Variants in PHETA1 observed in about 807,000 individuals in gnomAD.
PHETA1 encodes sesquipedalian-1.
For synonymous variants in PHETA1, 155 were observed against 168.9 expected (o/e 0.92, Z 0.64); for missense variants, 348 against 373.5 (o/e 0.93, Z 0.56).
rs1413201072 is a variant in PHETA1 at position 111,367,886 on chromosome 12, T to C, written c.-182+1026A>G. Among the ~76,000 whole-genome samples, 2 of 152,224 alleles carry C rather than the reference T, an allele frequency of 1.3e-5. No individual in the cohort carries two copies. The highest frequency in any genetic ancestry group is 4.8e-5 in the African/African-American group (2 of 41,452). ...AACAGCCCATGGCCAGACAGGAAGC[T>C]GGAGGGAGCCTGGCCCAGCTCTGCT... On this transcript the variant is annotated intron_variant, in intron 1 of 2. Transcript: ENST00000683047. The surrounding 1 kb of genome is among the most constrained non-coding windows in gnomAD (Gnocchi z 4.0).
At position 111,363,347 on chromosome 12, in the gene PHETA1, C is replaced by T; in HGVS notation, c.81G>A (p.Lys27=). 1.9e-6 allele frequency: 3 copies of T among 1,613,182 alleles called. No individual in the cohort carries two copies. The highest frequency in any genetic ancestry group is 1.7e-6 in the Non-Finnish European group (2 of 1,179,972). ...PVDNAGFLYK[K]GGRHAAYHRR... ...GGTGGTAGGCCGCGTGCCGCCCACC[C>T]TTCTTGTACAGGAAGCCTGCATTGT... is the stretch of plus-strand genomic sequence containing the variant. The change falls in exon 3 of 3, where the codon AAG becomes AAA. Residue 27 remains lysine (K), a synonymous_variant. Coordinates refer to ENST00000683047, the MANE Select transcript of PHETA1 (RefSeq NM_144671.6). The surrounding 1 kb of genome is among the most constrained non-coding windows in gnomAD (Gnocchi z 7.4).
Position 111,362,595 on chromosome 12 carries a change from C to G in PHETA1, c.*83G>C. The stretch of plus-strand genomic sequence containing the variant: ...CCTTGCCCATGATTTCCCTCAGGAT[C>G]TGCTCCCCCAGTCTCTCCAGGACCC... On this transcript the variant is annotated 3_prime_UTR_variant, in exon 3 of 3. Coordinates refer to ENST00000683047, the MANE Select transcript of PHETA1 (RefSeq NM_144671.6). 6.5e-7 allele frequency: 1 copy of G among 1,542,750 alleles called. No homozygotes were observed. The highest frequency in any genetic ancestry group is 8.7e-7 in the Non-Finnish European group (1 of 1,146,632).
chr12:111,366,015 C>T (rs1044154994), intron 2 of PHETA1, 98 bp downstream of exon 2: 10 of 169,028 alleles, frequency 5.9e-5, no homozygotes, highest in African/African-American at 2.4e-4. Flanking sequence ...CGCAGGGATT[C>T]ACGCATTCCC....
intron 1 of PHETA1, among the ~76,000 whole-genome samples, chr12:111,366,547 C>T (rs1869044332): frequency 6.6e-6 from 1 of 152,162 alleles, no homozygotes; most frequent in Admixed American, 6.5e-5. Flanking sequence ...TCCACCTCCC[C>T]ATTCTAGGCC....
chr12:111,365,605 C>T (rs1312391762), intron 2 of PHETA1: 1 of 450,296 alleles, frequency 2.2e-6, no homozygotes, highest in East Asian at 7.0e-5. Flanking sequence ...GAGATCATGT[C>T]CTTTGCGGGG....
chr12:111,362,689 C>G lies in PHETA1; in HGVS notation c.739G>C (p.Val247Leu). Residue 247 changes from valine (V) to leucine (L), a missense_variant, in exon 3 of 3, where the codon GTC (valine) becomes CTC (leucine). Coordinates refer to ENST00000683047, the MANE Select transcript of PHETA1 (RefSeq NM_144671.6). ...GCGCCCTGGTGGCCTCAGGGCTGGA[C>G]CCGGCTGCTGAGCCACTGGCCACGC... ...ALRGQWLSSR[V>L]QP is the part of the protein sequence containing the mutation. The G allele has an allele frequency of 1.3e-6, 2 of 1,549,148 alleles. No individual in the cohort carries two copies. The highest frequency in any genetic ancestry group is 1.7e-6 in the Non-Finnish European group (2 of 1,146,844).
chr12:111,362,037 G>A lies in PHETA1; in HGVS notation c.*641C>T, dbSNP rs1868637091. The A allele has an allele frequency of 2.2e-6, 1 of 455,440 alleles. No homozygotes were observed. Among genetic ancestry groups the A allele is most frequent in the Non-Finnish European group, 4.4e-6 (1 of 226,750 alleles). The allele number at this position is 455,440 out of a possible 1,614,324, so 28.2% of individuals were successfully genotyped here. On this transcript the variant is annotated 3_prime_UTR_variant, in exon 3 of 3. Coordinates refer to ENST00000683047, the MANE Select transcript of PHETA1 (RefSeq NM_144671.6). Reference sequence around the variant, plus strand: ...TTTTGGCAGAGTCCTGCCTCAGCCAGCCCAGGCCAGGAGCCCCGAGGACCA... The same window carrying A: ...TTTTGGCAGAGTCCTGCCTCAGCCAACCCAGGCCAGGAGCCCCGAGGACCA...
At position 111,367,020 on chromosome 12, in the gene PHETA1, CAAA is replaced by C. The variant is rs925270790; in HGVS notation, c.-181-766_-181-764del. The stretch of plus-strand genomic sequence containing the variant: ...GGGGTGACATAGTGAGATTCTGTCT[CAAA>C]AAAAAAAAAAAAAAAATCCAAGCCT... On this transcript the variant is annotated intron_variant, in intron 1 of 2. Transcript: ENST00000683047. The surrounding 1 kb of genome is among the most constrained non-coding windows in gnomAD (Gnocchi z 4.0). Among the ~76,000 whole-genome samples, 6 of 108,694 alleles carry C rather than the reference CAAA, an allele frequency of 5.5e-5. No individual in the cohort carries two copies. Among genetic ancestry groups the C allele is most frequent in the Admixed American group, 9.2e-5 (1 of 10,888 alleles). The allele number at this position is 108,694 out of a possible 152,430, so 71.3% of individuals were successfully genotyped here.
chr12:111,362,316 GTGA>G lies in PHETA1; in HGVS notation c.*359_*361del. On this transcript the variant is annotated 3_prime_UTR_variant, in exon 3 of 3. Coordinates refer to ENST00000683047, the MANE Select transcript of PHETA1 (RefSeq NM_144671.6). ...AGGCCACAGATCGCCCTCAGTCCCAGTGACCCTCTGAGCTGCAGGCCCGGCAAT... is the reference window on the plus strand; with the variant it reads ...AGGCCACAGATCGCCCTCAGTCCCAGCCCTCTGAGCTGCAGGCCCGGCAAT... 2 of 479,122 alleles carry G rather than the reference GTGA, an allele frequency of 4.2e-6. No homozygotes were observed. Among genetic ancestry groups the G allele is most frequent in the Non-Finnish European group, 7.7e-6 (2 of 260,658 alleles). The allele number at this position is 479,122 out of a possible 1,614,324, so 29.7% of individuals were successfully genotyped here. A position where few individuals can be genotyped will look rare whatever the true frequency, so the allele number is the denominator to read the frequency against.
chr12:111,362,939 A>C lies in PHETA1; in HGVS notation c.489T>G (p.Pro163=), dbSNP rs909130861. 3 of 1,467,118 alleles carry C rather than the reference A, an allele frequency of 2.0e-6. No individual in the cohort carries two copies. Among genetic ancestry groups the C allele is most frequent in the Non-Finnish European group, 2.7e-6 (3 of 1,114,534 alleles). The allele number at this position is 1,467,118 out of a possible 1,614,324, so 90.9% of individuals were successfully genotyped here. Residue 163 remains proline (P), a synonymous_variant, in exon 3 of 3, where the codon CCT becomes CCG. Transcript: ENST00000683047. The part of the protein sequence containing the change: ...PSALAPVPSL[P]SAPAPVPALP... ...GGGCTGGGACCGGGGCTGGGGCAGA[A>C]GGCAGGGATGGGACTGGGGCCAGGG...
chr12:111,364,512 G>T (rs1868903991), intron 2 of PHETA1, among the ~76,000 whole-genome samples: 1 of 152,142 alleles, frequency 6.6e-6, no homozygotes, highest in African/African-American at 2.4e-5. Context: ...GCTCACGCCT[G>T]TAATCCCAGC....
At position 111,367,411 on chromosome 12, in the gene PHETA1, G is replaced by A. The variant is rs1389961541; in HGVS notation, c.-181-1154C>T. ...CTCACACAGCTGTTTGATTCATTCT[G>A]CAGTATCTTCTGAAACCTTTCAACA... On this transcript the variant is annotated intron_variant, in intron 1 of 2. Transcript: ENST00000683047. This position sits in a 1 kb window ranked among gnomAD's most constrained non-coding sequence, Gnocchi z 4.0. 2.6e-5 allele frequency among the ~76,000 whole-genome samples: 4 copies of A among 152,150 alleles called. No individual in the cohort carries two copies. Among genetic ancestry groups the A allele is most frequent in the Non-Finnish European group, 4.4e-5 (3 of 68,036 alleles).
At position 111,367,415 on chromosome 12, in the gene PHETA1, T is replaced by C. The variant is rs1869099191; in HGVS notation, c.-181-1158A>G. 1.3e-5 allele frequency among the ~76,000 whole-genome samples: 2 copies of C among 152,186 alleles called. No homozygotes were observed. Among genetic ancestry groups the C allele is most frequent in the African/African-American group, 4.8e-5 (2 of 41,444 alleles). On this transcript the variant is annotated intron_variant, in intron 1 of 2. Coordinates refer to ENST00000683047, the MANE Select transcript of PHETA1 (RefSeq NM_144671.6). This position sits in a 1 kb window ranked among gnomAD's most constrained non-coding sequence, Gnocchi z 4.0. Reference sequence around the variant, plus strand: ...CACAGCTGTTTGATTCATTCTGCAGTATCTTCTGAAACCTTTCAACAGCCC... The same window carrying C: ...CACAGCTGTTTGATTCATTCTGCAGCATCTTCTGAAACCTTTCAACAGCCC...
chr12:111,362,777 C>A lies in PHETA1; in HGVS notation c.651G>T (p.Gly217=). ...PPRRRASAPH[G]PLDMAPFARL... ...GGGCGAAGGGGGCCATGTCCAGGGG[C>A]CCGTGGGGTGCCGAGGCCCGGCGGC... is the stretch of plus-strand genomic sequence containing the variant. Residue 217 remains glycine, a synonymous_variant, in exon 3 of 3, where the codon GGG becomes GGT. Coordinates refer to ENST00000683047, the MANE Select transcript of PHETA1 (RefSeq NM_144671.6). The A allele has an allele frequency of 6.5e-7, 1 of 1,540,280 alleles. No homozygotes were observed. The highest frequency in any genetic ancestry group is 1.2e-5 in the South Asian group (1 of 83,858).
chr12:111,362,644 C>G lies in PHETA1; in HGVS notation c.*34G>C. 3 of 1,549,008 alleles carry G rather than the reference C, an allele frequency of 1.9e-6. No homozygotes were observed. In the South Asian group the frequency reaches 3.6e-5, roughly 18 times the overall value. ...CCGGCCTGTCCCAGAGGGCATAGAGCTTGTGTCCCCCTAAAACAGGCGCCC... is the reference window on the plus strand; with the variant it reads ...CCGGCCTGTCCCAGAGGGCATAGAGGTTGTGTCCCCCTAAAACAGGCGCCC... On this transcript the variant is annotated 3_prime_UTR_variant, in exon 3 of 3. Coordinates refer to ENST00000683047, the MANE Select transcript of PHETA1 (RefSeq NM_144671.6).
At chr12:111,364,337 A>G (rs1430665550) in intron 2 of PHETA1, among the ~76,000 whole-genome samples, 3 of 142,016 alleles carry the variant, frequency 2.1e-5, no homozygotes, top group African/African-American at 8.0e-5. Flanking sequence ...ATAATGTGAC[A>G]CTCTGTCTCA....
At position 111,362,692 on chromosome 12, in the gene PHETA1, G is replaced by A. The variant is rs773543777; in HGVS notation, c.736C>T (p.Arg246Trp). 91 of 1,548,934 alleles carry A rather than the reference G, an allele frequency of 5.9e-5. 1 individual carries two copies. Among genetic ancestry groups the A allele is most frequent in the South Asian group, 4.5e-4 (38 of 84,066 alleles). The change falls in exon 3 of 3, where the codon CGG becomes TGG. Residue 246 changes from arginine (R) to tryptophan (W), a missense_variant. Coordinates refer to ENST00000683047, the MANE Select transcript of PHETA1 (RefSeq NM_144671.6). ...RALRGQWLSS[R>W]VQP ...CCCTGGTGGCCTCAGGGCTGGACCC[G>A]GCTGCTGAGCCACTGGCCACGCAGG... is the stretch of plus-strand genomic sequence containing the variant.
At position 111,363,377 on chromosome 12, in the gene PHETA1, C is replaced by A; in HGVS notation, c.51G>T (p.Pro17=). ...SLAFYATCDA[P]VDNAGFLYKK... is the part of the protein sequence containing the mutation. ...TGTACAGGAAGCCTGCATTGTCCAC[C>A]GGGGCGTCACAGGTGGCGTAGAAGG... The change falls in exon 3 of 3, where the codon CCG becomes CCT. Residue 17 remains proline, a synonymous_variant. Coordinates refer to ENST00000683047, the MANE Select transcript of PHETA1 (RefSeq NM_144671.6). This position sits in a 1 kb window ranked among gnomAD's most constrained non-coding sequence, Gnocchi z 7.4. 2 of 1,612,916 alleles carry A rather than the reference C, an allele frequency of 1.2e-6. No homozygotes were observed. The highest frequency in any genetic ancestry group is 1.7e-6 in the Non-Finnish European group (2 of 1,179,846).
In PHETA1 at chr12:111,361,144, C is replaced by A. The variant is rs1868574422; in HGVS notation, c.*1534G>T. The A allele has an allele frequency of 6.6e-6, 1 of 152,226 alleles. No homozygotes were observed. The highest frequency in any genetic ancestry group is 2.1e-4 in the South Asian group (1 of 4,820). The allele number at this position is 152,226 out of a possible 1,614,324, so 9.4% of individuals were successfully genotyped here. On this transcript the variant is annotated 3_prime_UTR_variant, in exon 3 of 3. Coordinates refer to ENST00000683047, the MANE Select transcript of PHETA1 (RefSeq NM_144671.6). Reference sequence around the variant, plus strand: ...CTGCCCCTCTCCCCGGGGGCAGTGACAACTGTTCCCCCAGAGCAAGTCCAG... The same window carrying A: ...CTGCCCCTCTCCCCGGGGGCAGTGAAAACTGTTCCCCCAGAGCAAGTCCAG...
Sources: gnomAD v4.1 joint callset for allele counts (sites outside exome capture counted in the v4.1 genomes callset) on GRCh38, gnomAD v4.1.1 for gene constraint, Gnocchi (gnomAD v3.1) non-coding constraint, MANE v1.5 for transcripts, NCBI Gene and HGNC (gene_info 2026-07-23, HGNC 2026-07-21) for gene names.